HS3ST2: variants seen among roughly 807,000 people sequenced by gnomAD.
The protein encoded by HS3ST2 is heparan sulfate glucosamine 3-O-sulfotransferase 2.
Under a neutral mutation model 26.3 loss-of-function variants are expected in HS3ST2, and 17 were observed. The observed-to-expected ratio is 0.65, with a 90% CI of 0.44 to 0.97. The LOEUF is 0.97. HS3ST2 is among the 50% of genes least tolerant of loss of function. The pLI is 0.00. For missense variants in HS3ST2, 402 were observed against 501.2 expected (o/e 0.80, Z 1.89); for synonymous variants, 237 against 219.2 (o/e 1.08, Z -0.72).
In HS3ST2 at chr16:22,914,763, A is replaced by AAAAAAAAAAAAAAAG. The variant is rs1489223344; in HGVS notation, c.486-180_486-179insAAAAAAAAAAAAAGA. The stretch of plus-strand genomic sequence containing the variant: ...AAAAAAAAAAAAAAAAAAAAAAAAA[A>AAAAAAAAAAAAAAAG]AGAGAAGAAAAGAAAATCAACAAGA... On this transcript the variant is annotated intron_variant, in intron 1 of 1. Transcript: ENST00000261374. Among the ~76,000 whole-genome samples, 12 of 118,690 alleles carry AAAAAAAAAAAAAAAG rather than the reference A, an allele frequency of 1.0e-4. 2 individuals are homozygous for AAAAAAAAAAAAAAAG. Among genetic ancestry groups the AAAAAAAAAAAAAAAG allele is most frequent in the African/African-American group, 4.5e-4 (12 of 26,624 alleles). The allele number at this position is 118,690 out of a possible 152,430, so 77.9% of individuals were successfully genotyped here.
At chr16:22,830,163 AT>A (rs1190163740) in intron 1 of HS3ST2, among the ~76,000 whole-genome samples, 1 of 150,122 alleles carries the variant, frequency 6.7e-6, no homozygotes, top group Non-Finnish European at 1.5e-5. Context: ...TCTCTGTAGG[AT>A]AGAAGCTCTC....
chr16:22,867,338 C>T (rs1451144898), intron 1 of HS3ST2, among the ~76,000 whole-genome samples: 1 of 152,042 alleles, frequency 6.6e-6, no homozygotes, highest in Non-Finnish European at 1.5e-5. Flanking sequence ...CTAAGCATGG[C>T]ACCAAAGACA....
chr16:22,915,126 C>T lies in HS3ST2; in HGVS notation c.668C>T (p.Pro223Leu). ...TACACGCAGACACTCTCCAAGAAGC[C>T]CGACATCCCGACCTTTGAGGGCCTC... ...SDYTQTLSKK[P>L]DIPTFEGLSF... is the part of the protein sequence containing the mutation. Residue 223 changes from proline to leucine, a missense_variant, in exon 2 of 2, where the codon CCC becomes CTC. This residue lies in a region of HS3ST2 where 237 missense variants were observed against 346.6 expected (regional missense o/e 0.68). Transcript: ENST00000261374. The T allele has an allele frequency of 6.2e-7, 1 of 1,614,066 alleles. No homozygotes were observed. Among genetic ancestry groups the T allele is most frequent in the Non-Finnish European group, 8.5e-7 (1 of 1,179,998 alleles).
At chr16:22,885,321 T>C (rs971156465) in intron 1 of HS3ST2, among the ~76,000 whole-genome samples, 2 of 151,230 alleles carry the variant, frequency 1.3e-5, no homozygotes, top group Admixed American at 6.6e-5. Flanking sequence ...AGAGATAAAA[T>C]TGAGAGGAGG....
At chr16:22,892,691 T>C (rs752649002) in intron 1 of HS3ST2, among the ~76,000 whole-genome samples, 1 of 152,216 alleles carries the variant, frequency 6.6e-6, no homozygotes, top group Non-Finnish European at 1.5e-5. Flanking sequence ...GGATAAATTA[T>C]AGAGAGTGCC....
chr16:22,908,681 C>T (rs1773182044), intron 1 of HS3ST2, among the ~76,000 whole-genome samples: 2 of 152,222 alleles, frequency 1.3e-5, no homozygotes, highest in South Asian at 2.1e-4. Flanking sequence ...TCATGATAAA[C>T]CACTAATTCA....
chr16:22,837,578 T>TAC (rs1045004308), intron 1 of HS3ST2, among the ~76,000 whole-genome samples: 37 of 140,222 alleles, frequency 2.6e-4, no homozygotes, highest in Admixed American at 6.3e-4. Flanking sequence ...TATATATATA[T>TAC]ACACACACAC....
chr16:22,874,359 A>C (rs1901881893), intron 1 of HS3ST2, among the ~76,000 whole-genome samples: 1 of 152,232 alleles, frequency 6.6e-6, no homozygotes, highest in African/African-American at 2.4e-5. Context: ...TCAGAAGGTG[A>C]GATTTCCTCC....
Position 22,828,384 on chromosome 16 carries a change from G to A in HS3ST2, c.485+13289G>A, listed in dbSNP as rs540448027. Among the ~76,000 whole-genome samples the A allele has an allele frequency of 1.4e-4, 22 of 152,304 alleles. 1 individual carries two copies. In the South Asian group the frequency reaches 4.2e-3, roughly 29 times the overall value. On this transcript the variant is annotated intron_variant, in intron 1 of 1. Coordinates refer to ENST00000261374, the MANE Select transcript of HS3ST2 (RefSeq NM_006043.2). ...TTGTTCCAGCCTCATCAGCATGTAT[G>A]GGGAGGTGGCTGCCATGATGACACT...
chr16:22,851,234 C>T (rs1302788477), intron 1 of HS3ST2, among the ~76,000 whole-genome samples: 1 of 152,196 alleles, frequency 6.6e-6, no homozygotes, highest in Non-Finnish European at 1.5e-5. Context: ...TGAAGAGCAT[C>T]CTGTGTGTAC....
At chr16:22,893,431 G>A (rs1394523354) in intron 1 of HS3ST2, among the ~76,000 whole-genome samples, 1 of 152,156 alleles carries the variant, frequency 6.6e-6, no homozygotes, top group Non-Finnish European at 1.5e-5. Flanking sequence ...CATTAAAGAT[G>A]CAGCCTTCCT....
Position 22,814,243 on chromosome 16 carries a change from G to T in HS3ST2, c.-368G>T. 5.1e-6 allele frequency: 1 copy of T among 197,900 alleles called. No homozygotes were observed. Among genetic ancestry groups the T allele is most frequent in the Non-Finnish European group, 1.0e-5 (1 of 98,820 alleles). 12.3% of individuals were successfully genotyped at this position (197,900 alleles called of 1,614,324 possible). Reference sequence around the variant, plus strand: ...CGCCAGCCCGCACAGCCGCGCCGCCGCCGAGCGTTTCGTGAGCGGCGCTCC... The same window carrying T: ...CGCCAGCCCGCACAGCCGCGCCGCCTCCGAGCGTTTCGTGAGCGGCGCTCC... On this transcript the variant is annotated 5_prime_UTR_variant, in exon 1 of 2. Coordinates refer to ENST00000261374, the MANE Select transcript of HS3ST2 (RefSeq NM_006043.2).
chr16:22,880,241 A>C (rs770171702), intron 1 of HS3ST2, among the ~76,000 whole-genome samples: 5 of 152,106 alleles, frequency 3.3e-5, no homozygotes, highest in Admixed American at 6.5e-5. Context: ...CAACATAGCA[A>C]GACCCTATCT....
chr16:22,890,760 G>A (rs1212281512), intron 1 of HS3ST2, among the ~76,000 whole-genome samples: 1 of 152,174 alleles, frequency 6.6e-6, no homozygotes, highest in East Asian at 1.9e-4. Flanking sequence ...AACCACGTCA[G>A]GCAGATTCCA....
intron 1 of HS3ST2, among the ~76,000 whole-genome samples, chr16:22,905,414 T>G: frequency 6.6e-6 from 1 of 152,054 alleles, no homozygotes; most frequent in East Asian, 1.9e-4. Flanking sequence ...TTGGGTGTTT[T>G]TTTGTGTTTG....
intron 1 of HS3ST2, among the ~76,000 whole-genome samples, chr16:22,846,070 G>A (rs1310574485): frequency 6.6e-6 from 1 of 152,176 alleles, no homozygotes; most frequent in Non-Finnish European, 1.5e-5. Context: ...CTGAGGTCAG[G>A]AGTTCAAGAC....
chr16:22,852,552 A>G (rs1176552201), intron 1 of HS3ST2, among the ~76,000 whole-genome samples: 1 of 152,098 alleles, frequency 6.6e-6, no homozygotes, highest in African/African-American at 2.4e-5. Flanking sequence ...ACCACCTTGG[A>G]CCCCAAAGAT....
At chr16:22,821,010 C>G (rs1377095313) in intron 1 of HS3ST2, among the ~76,000 whole-genome samples, 4 of 152,210 alleles carry the variant, frequency 2.6e-5, no homozygotes, top group African/African-American at 9.7e-5. Flanking sequence ...CCTGGACTCT[C>G]TGGACCTTCC....
chr16:22,872,237 C>G (rs895478881), intron 1 of HS3ST2, among the ~76,000 whole-genome samples: 7 of 152,194 alleles, frequency 4.6e-5, no homozygotes, highest in African/African-American at 1.7e-4. Context: ...AATAATCTGC[C>G]TTTCTCTTCT....
Sources: allele counts gnomAD v4.1 joint callset (sites outside exome capture counted in the v4.1 genomes callset), GRCh38; gene constraint gnomAD v4.1.1; regional missense constraint gnomAD v4.1.1; transcripts MANE v1.5; gene names NCBI Gene and HGNC (gene_info 2026-07-23, HGNC 2026-07-21).